The following PRDM10 variants were observed in gnomAD, a reference collection of about 807,000 sequenced individuals.
The protein encoded by PRDM10 is PR domain zinc finger protein 10.
A neutral mutation model predicts 133.1 loss-of-function variants in PRDM10; 65 were observed. The observed-to-expected ratio is 0.49, with a 90% CI of 0.40 to 0.60. The LOEUF (loss-of-function observed/expected upper bound fraction) is 0.60. PRDM10 is among the 20% of genes least tolerant of loss of function. The probability of loss-of-function intolerance (pLI) is 0.00; values close to 1 mark genes in which losing one functional copy is unlikely to be tolerated. For synonymous variants in PRDM10, 582 were observed against 580.4 expected, an observed-to-expected ratio of 1.00 and a Z score of -0.04; for missense variants, 1,137 against 1,507.1, an observed-to-expected ratio of 0.75 and a Z score of 4.07.
At chr11:129,952,770 C>T (rs1052946565) in intron 4 of PRDM10, among the ~76,000 whole-genome samples, 16 of 151,880 alleles carry the variant, frequency 1.1e-4, no homozygotes, top group Non-Finnish European at 1.3e-4. Flanking sequence ...CCTCCTGTCT[C>T]GGGGATCCCA....
chr11:129,967,309 T>A (rs1051015189), intron 1 of PRDM10, among the ~76,000 whole-genome samples: 2 of 152,108 alleles, frequency 1.3e-5, no homozygotes, highest in Non-Finnish European at 2.9e-5. Context: ...GAGAACTGCT[T>A]GAACCAGAGA....
chr11:129,977,255 TACACACACACAC>T (rs71057991), intron 1 of PRDM10, among the ~76,000 whole-genome samples: 80 of 132,478 alleles, frequency 6.0e-4, no homozygotes, highest in East Asian at 5.4e-3. Flanking sequence ...ATGACTAAAA[TACACACACACAC>T]ACACACACAC....
chr11:129,916,989 T>C (rs1950377711), intron 15 of PRDM10, 138 bp downstream of exon 15: 1 of 562,118 alleles, frequency 1.8e-6, no homozygotes, highest in Admixed American at 3.9e-5. Context: ...CTTTCTTGTC[T>C]GAATGGAGAC....
At chr11:129,915,992 T>C in intron 15 of PRDM10, 132 bp from the exon 16 acceptor site, 2 of 760,824 alleles carry the variant, frequency 2.6e-6, no homozygotes, top group Non-Finnish European at 4.0e-6. Context: ...TATTAATATG[T>C]ATATTAACAG....
intron 4 of PRDM10, among the ~76,000 whole-genome samples, chr11:129,952,544 T>C (rs1300262313): frequency 2.0e-5 from 3 of 152,100 alleles, no homozygotes; most frequent in African/African-American, 7.2e-5. Context: ...TCTTTTCTTT[T>C]AAGAGACAAA....
intron 13 of PRDM10, among the ~76,000 whole-genome samples, chr11:129,919,504 G>A (rs1950459175): frequency 1.3e-5 from 2 of 152,200 alleles, no homozygotes; most frequent in Admixed American, 6.5e-5. Context: ...AGAAGTTCAA[G>A]TAAACAAATC....
intron 11 of PRDM10, among the ~76,000 whole-genome samples, chr11:129,930,143 A>T (rs1950806687): frequency 6.6e-6 from 1 of 152,256 alleles, no homozygotes; most frequent in Admixed American, 6.5e-5. Flanking sequence ...AAATAAGAAG[A>T]CCAAAAGAAA....
intron 13 of PRDM10, among the ~76,000 whole-genome samples, chr11:129,921,963 TG>T (rs1950534863): frequency 6.6e-6 from 1 of 152,186 alleles, no homozygotes; most frequent in South Asian, 2.1e-4. Context: ...CAGGAGGAAG[TG>T]CTTGGTTCCC....
At chr11:129,978,011 T>G (rs1937885090) in intron 1 of PRDM10, among the ~76,000 whole-genome samples, 1 of 143,926 alleles carries the variant, frequency 6.9e-6, no homozygotes. Context: ...CAGGCTTTCA[T>G]AAAGGATTTC....
Position 129,971,187 on chromosome 11 carries a change from G to A in PRDM10, c.-118-10105C>T, listed in dbSNP as rs188625045. ...CTTAAAAGCAGTGTGAACCCAGAAA[G>A]AGCAGTAGCAAAATATATTGCAAAG... On this transcript the variant is annotated intron_variant, in intron 1 of 20. Transcript: ENST00000360871. 5.4e-3 allele frequency among the ~76,000 whole-genome samples: 818 copies of A among 152,290 alleles called. 3 individuals carry two copies. Among genetic ancestry groups the A allele is most frequent in the Non-Finnish European group, 7.2e-3 (488 of 68,030 alleles).
At chr11:129,985,809 AAT>A (rs1555114095) in intron 1 of PRDM10, among the ~76,000 whole-genome samples, 5,166 of 60,990 alleles carry the variant, frequency 0.085, 530 homozygotes, top group Non-Finnish European at 0.097. Context: ...AAAAAAAAAA[AAT>A]ATATATATAT....
Position 129,923,245 on chromosome 11 carries a change from T to C in PRDM10, c.2034+3A>G. On this transcript the variant is annotated splice_donor_region_variant and intron_variant, in intron 13 of 20. Transcript: ENST00000360871. This position sits in a 1 kb window ranked among gnomAD's most constrained non-coding sequence, Gnocchi z 4.4. ...CACCTTGGGCTGTGCCTTGGTGTCA[T>C]ACCTTAAATTGCTTCCCACAGGTGG... 1.3e-6 allele frequency: 2 copies of C among 1,574,456 alleles called. No homozygotes were observed. Among genetic ancestry groups the C allele is most frequent in the Non-Finnish European group, 1.7e-6 (2 of 1,158,574 alleles).
At chr11:129,966,903 T>C (rs1951918190) in intron 1 of PRDM10, among the ~76,000 whole-genome samples, 1 of 152,160 alleles carries the variant, frequency 6.6e-6, no homozygotes, top group Non-Finnish European at 1.5e-5. Context: ...ACCACCCACA[T>C]GAAGAACTCC....
chr11:129,962,755 G>A (rs1951820482), intron 1 of PRDM10, among the ~76,000 whole-genome samples: 1 of 152,056 alleles, frequency 6.6e-6, no homozygotes, highest in South Asian at 2.1e-4. Flanking sequence ...TTATATAGCA[G>A]TACTATTTAA....
chr11:129,963,394 GAGA>G (rs1565498366), intron 1 of PRDM10, among the ~76,000 whole-genome samples: 4,121 of 143,026 alleles, frequency 0.029, 224 homozygotes, highest in African/African-American at 0.058. Context: ...GAGAAGAGAA[GAGA>G]AGAGAAGAGA....
chr11:129,979,397 T>G (rs902934321), intron 1 of PRDM10, among the ~76,000 whole-genome samples: 3 of 152,132 alleles, frequency 2.0e-5, no homozygotes, highest in Admixed American at 2.0e-4. Flanking sequence ...ACCCAGCCTC[T>G]GGTGGGCTGC....
At chr11:129,975,758 A>T (rs917502317) in intron 1 of PRDM10, among the ~76,000 whole-genome samples, 1 of 151,992 alleles carries the variant, frequency 6.6e-6, no homozygotes, top group African/African-American at 2.4e-5. Flanking sequence ...CTGGTCTCCA[A>T]CCCACCGCCC....
intron 2 of PRDM10, 59 bp from the exon 3 acceptor site, chr11:129,957,969 G>T: frequency 6.6e-7 from 1 of 1,526,160 alleles, no homozygotes; most frequent in Non-Finnish European, 8.9e-7. Context: ...TGATCAACAA[G>T]CACACCTGGG....
Position 129,957,651 on chromosome 11 carries a change from C to T in PRDM10, c.234+95G>A, listed in dbSNP as rs1328465886. On this transcript the variant is annotated intron_variant, in intron 3 of 20. Coordinates refer to ENST00000360871, the MANE Select transcript of PRDM10 (RefSeq NM_199437.2). Reference sequence around the variant, plus strand: ...GATCTTATCTGAATACGTACTGCATCACCAGTACCTAGCACAATGACTGAC... The same window carrying T: ...GATCTTATCTGAATACGTACTGCATTACCAGTACCTAGCACAATGACTGAC... 53 of 1,422,626 alleles carry T rather than the reference C, an allele frequency of 3.7e-5. 1 individual carries two copies. The highest frequency in any genetic ancestry group is 1.8e-4 in the East Asian group (8 of 43,392). 88.1% of individuals were successfully genotyped at this position (1,422,626 alleles called of 1,614,324 possible).
Sources: allele counts gnomAD v4.1 joint callset (sites outside exome capture counted in the v4.1 genomes callset), GRCh38; gene constraint gnomAD v4.1.1; non-coding constraint Gnocchi (gnomAD v3.1); transcripts MANE v1.5; gene names NCBI Gene and HGNC (gene_info 2026-07-23, HGNC 2026-07-21).